POLA1: variants seen among roughly 807,000 people sequenced by gnomAD.
The protein encoded by POLA1 is DNA polymerase alpha 1, catalytic subunit, also known as DNA polymerase alpha catalytic subunit.
A neutral mutation model predicts 124.0 loss-of-function variants in POLA1; 15 were observed. The ratio of observed to expected loss-of-function variants is 0.12; its 90% confidence interval spans 0.08 to 0.19. The LOEUF (loss-of-function observed/expected upper bound fraction) is 0.19. POLA1 is among the 10% of genes least tolerant of loss of function. POLA1 has a pLI of 1.00. For missense variants in POLA1, 886 were observed against 1,103.4 expected, an observed-to-expected ratio of 0.80 and a Z score of 2.79; for synonymous variants, 408 against 389.4, an observed-to-expected ratio of 1.05 and a Z score of -0.56.
intron 35 of POLA1, among the ~76,000 whole-genome samples, chrX:24,924,695 AGAT>A (rs1486137428): frequency 4.5e-5 from 5 of 111,920 alleles, no homozygotes; most frequent in African/African-American, 1.6e-4. Flanking sequence ...GGCTTCCCGA[AGAT>A]GATGATGACT....
chrX:24,818,431 G>A (rs1601765072), intron 30 of POLA1, among the ~76,000 whole-genome samples: 1 of 111,513 alleles, frequency 9.0e-6, no homozygotes, highest in Admixed American at 9.5e-5. Context: ...CAAGTTTGAG[G>A]AGATTCAAAT....
chrX:24,917,451 T>C (rs2047551354), intron 35 of POLA1, among the ~76,000 whole-genome samples: 2 of 112,141 alleles, frequency 1.8e-5, no homozygotes, highest in Admixed American at 1.9e-4. Flanking sequence ...TTTTCTTTGG[T>C]TTTTGAAATT....
At chrX:24,714,521 A>C in intron 4 of POLA1, 33 bp from the exon 5 acceptor site, 1 of 882,359 alleles carries the variant, frequency 1.1e-6, no homozygotes. Flanking sequence ...ATTTTTGCTG[A>C]TGCATGTTTC....
At chrX:24,923,577 C>T (rs1336944891) in intron 35 of POLA1, among the ~76,000 whole-genome samples, 1 of 112,152 alleles carries the variant, frequency 8.9e-6, no homozygotes, top group Non-Finnish European at 1.9e-5. Context: ...AAATTGTCTA[C>T]TTGATGGACA....
At chrX:24,820,531 C>G (rs918989775) in intron 30 of POLA1, among the ~76,000 whole-genome samples, 1 of 111,282 alleles carries the variant, frequency 9.0e-6, no homozygotes, top group African/African-American at 3.3e-5. Flanking sequence ...GTTTGTTTCT[C>G]TGCCTGGAAT....
intron 26 of POLA1, among the ~76,000 whole-genome samples, chrX:24,808,275 C>A (rs1006246408): frequency 9.0e-6 from 1 of 111,699 alleles, no homozygotes; most frequent in Admixed American, 9.4e-5. Flanking sequence ...AAGCAGCCCT[C>A]AGTCTAAAAA....
At position 24,703,282 on chromosome X, in the gene POLA1, T is replaced by C; in HGVS notation, c.200T>C (p.Val67Ala). 2 of 1,207,048 alleles carry C rather than the reference T, an allele frequency of 1.7e-6. No individual in the cohort carries two copies. Among genetic ancestry groups the C allele is most frequent in the South Asian group, 1.8e-5 (1 of 56,533 alleles). ...VEDFTGVYEE[V>A]DEEQYSKLVQ... is the part of the protein sequence containing the mutation. ...GACTTCACAGGTGTTTATGAAGAAG[T>C]TGATGAAGAACAGTATTCGAAGCTG... is the stretch of plus-strand genomic sequence containing the variant. Residue 67 changes from valine to alanine, a missense_variant, in exon 3 of 37, where the codon GTT (valine) becomes GCT (alanine). Transcript: ENST00000379068.
At chrX:24,733,928 C>T (rs745347453) in intron 17 of POLA1, 112 bp downstream of exon 17, 2 of 431,293 alleles carry the variant, frequency 4.6e-6, no homozygotes, top group Non-Finnish European at 8.2e-6. Flanking sequence ...TCATTCCTGC[C>T]AGATTGGACT....
chrX:24,717,950 T>C (rs886812541), intron 10 of POLA1, among the ~76,000 whole-genome samples, 192 bp downstream of exon 10: 3 of 111,015 alleles, frequency 2.7e-5, no homozygotes, highest in African/African-American at 9.9e-5. Flanking sequence ...TCACTTAACA[T>C]GTATTGTAAG....
chrX:24,953,331 G>A (rs1388562279), intron 36 of POLA1, among the ~76,000 whole-genome samples: 2 of 112,290 alleles, frequency 1.8e-5, no homozygotes, highest in Non-Finnish European at 3.8e-5. Context: ...TGTTTACCAT[G>A]CATCAGGCAT....
intron 26 of POLA1, among the ~76,000 whole-genome samples, chrX:24,761,254 T>C (rs1333920158): frequency 8.9e-6 from 1 of 112,133 alleles, no homozygotes; most frequent in Non-Finnish European, 1.9e-5. Flanking sequence ...TTGAGGCTAG[T>C]GATGAGATTG....
At chrX:24,741,893 A>T in intron 21 of POLA1, 109 bp from the exon 22 acceptor site, 1 of 536,698 alleles carries the variant, frequency 1.9e-6, no homozygotes, top group East Asian at 3.8e-5. Flanking sequence ...GCAGACCGTT[A>T]TTAGGAATAG....
intron 34 of POLA1, among the ~76,000 whole-genome samples, chrX:24,868,464 A>G (rs1054235755): frequency 8.9e-6 from 1 of 111,991 alleles, no homozygotes; most frequent in Admixed American, 9.4e-5. Flanking sequence ...AAGAAATGTG[A>G]AGCATAACAT....
chrX:24,932,628 G>A (rs753627416), intron 36 of POLA1, among the ~76,000 whole-genome samples: 97 of 111,535 alleles, frequency 8.7e-4, no homozygotes, highest in Non-Finnish European at 1.5e-3. Context: ...GGCAAAAATG[G>A]CATTGAGTTA....
chrX:24,829,136 C>A (rs2046221262), intron 32 of POLA1, among the ~76,000 whole-genome samples: 1 of 110,900 alleles, frequency 9.0e-6, no homozygotes, highest in African/African-American at 3.3e-5. Context: ...CACGGTCCCA[C>A]CCATATACCC....
chrX:24,748,496 T>C (rs752685837), intron 25 of POLA1, 36 bp downstream of exon 25: 2 of 1,082,793 alleles, frequency 1.8e-6, no homozygotes, highest in East Asian at 6.1e-5. Flanking sequence ...TGAGTGACAG[T>C]CTCAGCTTTT....
chrX:24,763,311 G>A (rs1001040499), intron 26 of POLA1, among the ~76,000 whole-genome samples: 3 of 111,169 alleles, frequency 2.7e-5, no homozygotes, highest in African/African-American at 9.8e-5. Flanking sequence ...TTAGGATGGG[G>A]AAGGTATCAA....
At chrX:24,888,229 A>G in intron 35 of POLA1, 107 bp downstream of exon 35, 1 of 455,299 alleles carries the variant, frequency 2.2e-6, no homozygotes, top group Non-Finnish European at 3.9e-6. Flanking sequence ...CTACTACCAT[A>G]TGCATATACT....
At chrX:24,780,705 A>G (rs1178387117) in intron 26 of POLA1, among the ~76,000 whole-genome samples, 1 of 111,855 alleles carries the variant, frequency 8.9e-6, no homozygotes, top group South Asian at 3.7e-4. Flanking sequence ...TTGGATTTTT[A>G]TTTACTAAAA....
Sources: gnomAD v4.1 joint callset for allele counts (sites outside exome capture counted in the v4.1 genomes callset) on GRCh38, gnomAD v4.1.1 for gene constraint, MANE v1.5 for transcripts, NCBI Gene and HGNC (gene_info 2026-07-23, HGNC 2026-07-21) for gene names.